LRRC28: variants seen among roughly 807,000 people sequenced by gnomAD.
The protein encoded by LRRC28 is leucine rich repeat containing 28.
In LRRC28, 39 loss-of-function variants were observed where a neutral mutation model predicts 45.7. That is an observed-to-expected ratio of 0.85 (90% CI 0.66 to 1.12). LRRC28 has a LOEUF of 1.12. LRRC28 is among the 50% of genes most tolerant of loss of function. The pLI is 0.00. For synonymous variants in LRRC28, 206 were observed against 178.8 expected (o/e 1.15, Z -1.22); for missense variants, 435 against 438.5 (o/e 0.99, Z 0.07).
At chr15:99,329,384 A>G (rs1939840822) in intron 5 of LRRC28, among the ~76,000 whole-genome samples, 1 of 152,222 alleles carries the variant, frequency 6.6e-6, no homozygotes. Context: ...AAAAAATACA[A>G]GAAATCTCCC....
At position 99,292,616 on chromosome 15, in the gene LRRC28, G is replaced by A. The variant is rs554311600; in HGVS notation, c.385+4665G>A. Among the ~76,000 whole-genome samples, 131 of 151,712 alleles carry A rather than the reference G, an allele frequency of 8.6e-4. 1 individual carries two copies. Among genetic ancestry groups the A allele is most frequent in the African/African-American group, 2.9e-3 (118 of 41,364 alleles). ...CCTGACCTCATGATCCACCCGCCTC[G>A]GCCTCCCAAAGTGCTGGGATTACAG... On this transcript the variant is annotated intron_variant, in intron 5 of 9. Coordinates refer to ENST00000301981, the MANE Select transcript of LRRC28 (RefSeq NM_144598.5).
rs756309694 is a variant in LRRC28, at chr15:99,352,479, C to T, written c.695+8C>T. On this transcript the variant is annotated splice_region_variant and intron_variant, in intron 7 of 9. Transcript: ENST00000301981. ...AGTCATCGGGTGCAGTGGGTAAGGCCGATTTCACATTTTGAACTAAAAAAT... is the reference window on the plus strand; with the variant it reads ...AGTCATCGGGTGCAGTGGGTAAGGCTGATTTCACATTTTGAACTAAAAAAT... 19 of 1,596,906 alleles carry T rather than the reference C, an allele frequency of 1.2e-5. No individual in the cohort carries two copies. Among genetic ancestry groups the T allele is most frequent in the Admixed American group, 1.7e-5 (1 of 57,844 alleles).
At chr15:99,263,098 T>C (rs200081194) in intron 2 of LRRC28, among the ~76,000 whole-genome samples, 2 of 149,864 alleles carry the variant, frequency 1.3e-5, no homozygotes, top group Middle Eastern at 3.2e-3. Flanking sequence ...TCACTTGAGC[T>C]CAGGAGTTCA....
intron 5 of LRRC28, among the ~76,000 whole-genome samples, chr15:99,329,349 A>AG: frequency 6.6e-6 from 1 of 152,206 alleles, no homozygotes. Context: ...AGAGTTTTGA[A>AG]GATCATAGAA....
chr15:99,373,045 C>T (rs1957528375), intron 9 of LRRC28, among the ~76,000 whole-genome samples: 1 of 152,072 alleles, frequency 6.6e-6, no homozygotes, highest in African/African-American at 2.4e-5. Context: ...TAATCACCTC[C>T]CACCGGGTCC....
At chr15:99,329,703 CT>C (rs1221297799) in intron 5 of LRRC28, among the ~76,000 whole-genome samples, 1 of 152,174 alleles carries the variant, frequency 6.6e-6, no homozygotes, top group Non-Finnish European at 1.5e-5. Flanking sequence ...GATCTTCGCT[CT>C]TTGGATATGG....
intron 3 of LRRC28, among the ~76,000 whole-genome samples, chr15:99,281,176 C>A (rs1238693759): frequency 6.6e-6 from 1 of 151,428 alleles, no homozygotes; most frequent in Non-Finnish European, 1.5e-5. Context: ...TACAGGCATG[C>A]ACCACCATGC....
intron 3 of LRRC28, among the ~76,000 whole-genome samples, chr15:99,278,374 A>C (rs1205011729): frequency 6.6e-6 from 1 of 152,150 alleles, no homozygotes; most frequent in African/African-American, 2.4e-5. Context: ...TCAGCCTCCT[A>C]GTAGCTGGGA....
chr15:99,329,624 A>C (rs1956094841), intron 5 of LRRC28, among the ~76,000 whole-genome samples: 1 of 152,254 alleles, frequency 6.6e-6, no homozygotes, highest in Non-Finnish European at 1.5e-5. Flanking sequence ...GAAAAGGTTG[A>C]AACTTCCTCA....
chr15:99,255,316 C>G (rs1312282789), intron 1 of LRRC28, among the ~76,000 whole-genome samples: 1 of 151,346 alleles, frequency 6.6e-6, no homozygotes, highest in Non-Finnish European at 1.5e-5. Flanking sequence ...ATGATTGAGT[C>G]ACTGCGCCCC....
intron 5 of LRRC28, among the ~76,000 whole-genome samples, chr15:99,288,741 G>A (rs766609486): frequency 1.3e-5 from 2 of 151,426 alleles, no homozygotes; most frequent in Non-Finnish European, 2.9e-5. Flanking sequence ...GTGCAGTGGC[G>A]TGATCTCGGC....
intron 2 of LRRC28, among the ~76,000 whole-genome samples, chr15:99,271,396 A>C (rs2081475129): frequency 6.6e-6 from 1 of 151,266 alleles, no homozygotes; most frequent in African/African-American, 2.4e-5. Flanking sequence ...CTCCTGCCTC[A>C]GCCTCCCAAA....
At chr15:99,368,492 A>G (rs560472286) in intron 9 of LRRC28, among the ~76,000 whole-genome samples, 1 of 152,278 alleles carries the variant, frequency 6.6e-6, no homozygotes, top group African/African-American at 2.4e-5. Flanking sequence ...GTGGGGTGGC[A>G]ATCACACCCC....
Position 99,389,378 on chromosome 15 carries a change from T to G in LRRC28, c.*3276T>G, listed in dbSNP as rs1054164486. The G allele has an allele frequency of 6.6e-6, 1 of 152,052 alleles. No individual in the cohort carries two copies. The highest frequency in any genetic ancestry group is 2.4e-5 in the African/African-American group (1 of 41,302). 9.4% of individuals were successfully genotyped at this position (152,052 alleles called of 1,614,324 possible). A position where few individuals can be genotyped will look rare whatever the true frequency, so the allele number is the denominator to read the frequency against. On this transcript the variant is annotated 3_prime_UTR_variant, in exon 10 of 10. Coordinates refer to ENST00000301981, the MANE Select transcript of LRRC28 (RefSeq NM_144598.5). Reference sequence around the variant, plus strand: ...AAATATGTAACTATTTTGTAGTCTGTGGGGACTTTCAAAGCCAATTTTTAA... The same window carrying G: ...AAATATGTAACTATTTTGTAGTCTGGGGGGACTTTCAAAGCCAATTTTTAA...
chr15:99,368,104 C>G (rs1957388936), intron 9 of LRRC28, among the ~76,000 whole-genome samples: 1 of 152,130 alleles, frequency 6.6e-6, no homozygotes, highest in African/African-American at 2.4e-5. Flanking sequence ...ATACCACATC[C>G]CCCAAAACTC....
chr15:99,306,534 C>A (rs978708985), intron 5 of LRRC28, among the ~76,000 whole-genome samples: 1 of 152,102 alleles, frequency 6.6e-6, no homozygotes, highest in African/African-American at 2.4e-5. Context: ...CGTTTAAAAG[C>A]TCTCTCTTGG....
Position 99,387,155 on chromosome 15 carries a change from G to T in LRRC28, c.*1053G>T, listed in dbSNP as rs942036239. 2 of 149,646 alleles carry T rather than the reference G, an allele frequency of 1.3e-5. No individual in the cohort carries two copies. The highest frequency in any genetic ancestry group is 2.2e-4 in the South Asian group (1 of 4,560). The allele number at this position is 149,646 out of a possible 1,614,324, so 9.3% of individuals were successfully genotyped here. ...GGCTCACTGCAAGCTCCGCCTCCCG[G>T]GTTCACGCCATTCTCCTGCCTCAGC... On this transcript the variant is annotated 3_prime_UTR_variant, in exon 10 of 10. Transcript: ENST00000301981.
chr15:99,305,331 G>A (rs566712147), intron 5 of LRRC28, among the ~76,000 whole-genome samples: 9 of 152,176 alleles, frequency 5.9e-5, no homozygotes, highest in East Asian at 3.9e-4. Context: ...CTTTTACAGC[G>A]CTGAAACTTG....
rs147724045 is a variant in LRRC28, at chr15:99,280,746, A to T, written c.209+4130A>T. Among the ~76,000 whole-genome samples the T allele has an allele frequency of 6.4e-4, 98 of 152,150 alleles. 2 individuals carry two copies. The highest frequency in any genetic ancestry group is 2.9e-3 in the South Asian group (14 of 4,808). ...GGGTTTCTTGGGGTTGTGTCTTAAC[A>T]GTTTTTATCAAATTTGGAAAACTTT... On this transcript the variant is annotated intron_variant, in intron 3 of 9. Transcript: ENST00000301981.
Sources: gnomAD v4.1 joint callset for allele counts (sites outside exome capture counted in the v4.1 genomes callset) on GRCh38, gnomAD v4.1.1 for gene constraint, MANE v1.5 for transcripts, NCBI Gene and HGNC (gene_info 2026-07-23, HGNC 2026-07-21) for gene names.